CLPB: variants seen among roughly 807,000 people sequenced by gnomAD.
The protein encoded by CLPB is ClpB family mitochondrial disaggregase.
In CLPB, 40 loss-of-function variants were observed where a neutral mutation model predicts 78.4. The ratio of observed to expected loss-of-function variants is 0.51; its 90% CI spans 0.40 to 0.66. The LOEUF (loss-of-function observed/expected upper bound fraction) is 0.66, where lower values mean the gene tolerates loss of function less well. CLPB is among the 30% of genes least tolerant of loss of function. The pLI, the probability that CLPB is intolerant of heterozygous loss-of-function variation, is 0.00. For missense variants in CLPB, 780 were observed against 886.9 expected (o/e 0.88, Z 1.53); for synonymous variants, 333 against 348.0 (o/e 0.96, Z 0.48).
rs536398378 is a variant in CLPB at position 72,399,606 on chromosome 11, T to C, written c.542+3360A>G. ...TAAGCTCCTTAAGGACAGAGACTAT[T>C]GTATTCTATATCCCTAAAGACTTAA... On this transcript the variant is annotated intron_variant, in intron 3 of 15. Transcript: ENST00000538039. Among the ~76,000 whole-genome samples, 4 of 152,302 alleles carry C rather than the reference T, an allele frequency of 2.6e-5. No individual in the cohort carries two copies. In the East Asian group the frequency reaches 7.7e-4, roughly 29 times the overall value.
intron 3 of CLPB, among the ~76,000 whole-genome samples, chr11:72,389,066 A>G (rs185714139): frequency 6.6e-6 from 1 of 152,364 alleles, no homozygotes; most frequent in Admixed American, 6.5e-5. Flanking sequence ...CCAAGTGAGT[A>G]GCCAGAAACC....
At chr11:72,410,082 T>C (rs1855832410) in intron 2 of CLPB, among the ~76,000 whole-genome samples, 1 of 151,872 alleles carries the variant, frequency 6.6e-6, no homozygotes, top group Non-Finnish European at 1.5e-5. Context: ...TATAAAAAAT[T>C]AGCCTGGCAT....
intron 5 of CLPB, among the ~76,000 whole-genome samples, chr11:72,342,534 CT>C (rs1303780036): frequency 6.6e-6 from 1 of 152,194 alleles, no homozygotes; most frequent in Admixed American, 6.5e-5. Context: ...GCCAGCCCTA[CT>C]CCTCCTTATC....
At chr11:72,308,434 G>T in intron 8 of CLPB, 93 bp downstream of exon 8, 1 of 1,090,070 alleles carries the variant, frequency 9.2e-7, no homozygotes, top group Non-Finnish European at 1.4e-6. Context: ...AGCTGGACCT[G>T]CTGACCCTGG....
At chr11:72,363,867 G>T (rs1180609882) in intron 4 of CLPB, among the ~76,000 whole-genome samples, 1 of 152,208 alleles carries the variant, frequency 6.6e-6, no homozygotes, top group Non-Finnish European at 1.5e-5. Context: ...GAAGCTCAGG[G>T]ACTAAGCTAA....
At chr11:72,338,416 C>T (rs1018120396) in intron 5 of CLPB, among the ~76,000 whole-genome samples, 4 of 152,186 alleles carry the variant, frequency 2.6e-5, no homozygotes, top group Non-Finnish European at 5.9e-5. Flanking sequence ...AGAGTGGGAG[C>T]TAGAACCCAC....
In CLPB at chr11:72,289,423, C is replaced by T. The variant is rs1038861447; in HGVS notation, c.*3944G>A. Reference sequence around the variant, plus strand: ...TGGTTACTAGCTGACTTAACTAGAGCCTCTATGGGAAGTCTAAACATCAAA... The same window carrying T: ...TGGTTACTAGCTGACTTAACTAGAGTCTCTATGGGAAGTCTAAACATCAAA... On this transcript the variant is annotated 3_prime_UTR_variant, in exon 16 of 16. Coordinates refer to ENST00000538039, the MANE Select transcript of CLPB (RefSeq NM_001258392.3). 1.3e-5 allele frequency: 2 copies of T among 152,020 alleles called. No homozygotes were observed. Among genetic ancestry groups the T allele is most frequent in the African/African-American group, 4.8e-5 (2 of 41,364 alleles). The allele number at this position is 152,020 out of a possible 1,614,324, so 9.4% of individuals were successfully genotyped here. A position where few individuals can be genotyped will look rare whatever the true frequency, so the allele number is the denominator to read the frequency against.
chr11:72,382,669 A>G (rs1462110539), intron 3 of CLPB, among the ~76,000 whole-genome samples: 1 of 152,200 alleles, frequency 6.6e-6, no homozygotes, highest in African/African-American at 2.4e-5. Context: ...CATGAACCAC[A>G]CAAGATGGCC....
intron 3 of CLPB, among the ~76,000 whole-genome samples, chr11:72,385,931 T>A (rs1274454851): frequency 6.6e-6 from 1 of 152,232 alleles, no homozygotes; most frequent in East Asian, 1.9e-4. Context: ...AACAATAGAT[T>A]GTTTTAAATA....
chr11:72,336,626 A>G (rs1950327097), intron 5 of CLPB: 1 of 154,420 alleles, frequency 6.5e-6, no homozygotes, highest in Non-Finnish European at 1.4e-5. Flanking sequence ...TGCTTTCCAT[A>G]TTTATTGCTA....
At chr11:72,356,509 G>A (rs539682813) in intron 5 of CLPB, among the ~76,000 whole-genome samples, 1 of 152,278 alleles carries the variant, frequency 6.6e-6, no homozygotes, top group East Asian at 1.9e-4. Flanking sequence ...CAGCCTGCAG[G>A]CCCTGAGTGA....
In CLPB at chr11:72,285,533, A is replaced by C. The variant is rs1302057418; in HGVS notation, c.*7834T>G. 6.6e-6 allele frequency: 1 copy of C among 152,228 alleles called. No homozygotes were observed. The highest frequency in any genetic ancestry group is 2.4e-5 in the African/African-American group (1 of 41,454). 9.4% of individuals were successfully genotyped at this position (152,228 alleles called of 1,614,324 possible). On this transcript the variant is annotated 3_prime_UTR_variant, in exon 16 of 16. Coordinates refer to ENST00000538039, the MANE Select transcript of CLPB (RefSeq NM_001258392.3). ...ATTTATTAGGTTTACATTAAGTTAT[A>C]TATTAAGAAATGTATATTTTAGTAT... is the stretch of plus-strand genomic sequence containing the variant.
At chr11:72,314,034 A>G (rs951851156) in intron 7 of CLPB, among the ~76,000 whole-genome samples, 1 of 152,246 alleles carries the variant, frequency 6.6e-6, no homozygotes, top group African/African-American at 2.4e-5. Flanking sequence ...ATGAGGATTC[A>G]AAGGGAGAGT....
At chr11:72,346,471 A>G (rs1288344651) in intron 5 of CLPB, among the ~76,000 whole-genome samples, 2 of 152,074 alleles carry the variant, frequency 1.3e-5, no homozygotes, top group Non-Finnish European at 2.9e-5. Context: ...TACAATTATC[A>G]ACAAAAAAAT....
intron 4 of CLPB, among the ~76,000 whole-genome samples, chr11:72,366,709 T>C (rs1950949444): frequency 6.6e-6 from 1 of 152,044 alleles, no homozygotes; most frequent in South Asian, 2.1e-4. Context: ...TGAGATACCA[T>C]CTCGCACCAG....
At position 72,360,717 on chromosome 11, in the gene CLPB, G is replaced by A. The variant is rs528779929; in HGVS notation, c.647-1709C>T. Among the ~76,000 whole-genome samples the A allele has an allele frequency of 1.1e-4, 16 of 152,286 alleles. No homozygotes were observed. The East Asian group carries it at 1.4e-3, about 13-fold the overall frequency. ...CTCCCAAAGTGCTGGGATTACAGGC[G>A]TGAGCCACCGCGCCCAGCCATACTA... On this transcript the variant is annotated intron_variant, in intron 4 of 15. Transcript: ENST00000538039.
At chr11:72,410,531 T>A (rs770863983) in intron 2 of CLPB, among the ~76,000 whole-genome samples, 11 of 152,204 alleles carry the variant, frequency 7.2e-5, no homozygotes, top group Middle Eastern at 3.2e-3. Context: ...TCTTATCACT[T>A]TCCAATTTGT....
intron 1 of CLPB, among the ~76,000 whole-genome samples, chr11:72,433,177 T>C (rs1277077251): frequency 6.6e-6 from 1 of 152,084 alleles, no homozygotes; most frequent in Non-Finnish European, 1.5e-5. Flanking sequence ...AGCAAAATCC[T>C]GAGACTGACA....
At chr11:72,356,833 G>C (rs1308548135) in intron 5 of CLPB, 2 of 152,318 alleles carry the variant, frequency 1.3e-5, no homozygotes, top group African/African-American at 4.8e-5. Flanking sequence ...GAATTCTCTT[G>C]TCTGGGGGTT....
Sources: allele counts gnomAD v4.1 joint callset (sites outside exome capture counted in the v4.1 genomes callset), GRCh38; gene constraint gnomAD v4.1.1; transcripts MANE v1.5; gene names NCBI Gene and HGNC (gene_info 2026-07-23, HGNC 2026-07-21).